Variants in ARHGEF3 observed in about 807,000 individuals in gnomAD.
ARHGEF3 encodes Rho guanine nucleotide exchange factor 3.
Under a neutral mutation model 63.2 loss-of-function variants are expected in ARHGEF3, and 28 were observed. The ratio of observed to expected loss-of-function variants is 0.44; its 90% CI spans 0.33 to 0.61. ARHGEF3 has a LOEUF of 0.61. Ranked by LOEUF, ARHGEF3 falls within the 20% of genes least tolerant of loss-of-function variation. The probability of loss-of-function intolerance (pLI) is 0.03; values close to 1 mark genes in which losing one functional copy is unlikely to be tolerated. For missense variants in ARHGEF3, 533 were observed against 659.3 expected (o/e 0.81, Z 2.10); for synonymous variants, 266 against 254.2 (o/e 1.05, Z -0.44).
intron 1 of ARHGEF3, chr3:57,074,001 G>T: frequency 6.2e-7 from 1 of 1,614,192 alleles, no homozygotes. Flanking sequence ...AAATCTTCTG[G>T]GAAGACCCTC....
At chr3:56,965,358 A>G (rs1163969789) in intron 2 of ARHGEF3, among the ~76,000 whole-genome samples, 2 of 152,204 alleles carry the variant, frequency 1.3e-5, no homozygotes, top group African/African-American at 4.8e-5. Context: ...AATATAACTT[A>G]TTAAAACTGT....
chr3:56,946,294 T>C lies in ARHGEF3; in HGVS notation c.129+12529A>G, dbSNP rs558477164. ...CTGGATGGAGAATGACTTTGACGAG[T>C]TGAGAGAAGAAGGCTTCAGAAGATC... On this transcript the variant is annotated intron_variant, in intron 3 of 12. Coordinates refer to the ARHGEF3 transcript ENST00000338458. Among the ~76,000 whole-genome samples, 7 of 151,944 alleles carry C rather than the reference T, an allele frequency of 4.6e-5. No homozygotes were observed. In the East Asian group the frequency reaches 7.7e-4, roughly 17 times the overall value.
At chr3:56,897,113 C>T (rs4681930) in intron 3 of ARHGEF3, among the ~76,000 whole-genome samples, 30,860 of 152,100 alleles carry the variant, frequency 0.2, 3,598 homozygotes, top group African/African-American at 0.31. Context: ...TTCCATTCTC[C>T]ACCATTTATT....
chr3:56,867,540 A>T (rs886102372), intron 4 of ARHGEF3, among the ~76,000 whole-genome samples: 12 of 152,034 alleles, frequency 7.9e-5, no homozygotes, highest in Admixed American at 7.2e-4. Context: ...TGGAGAAATC[A>T]TGGCTCACTG....
intron 3 of ARHGEF3, among the ~76,000 whole-genome samples, chr3:56,917,141 T>C (rs2042010848): frequency 2.0e-5 from 3 of 152,078 alleles, no homozygotes; most frequent in Admixed American, 2.0e-4. Flanking sequence ...ACCTCTTGGG[T>C]GAGGTAGACT....
At chr3:57,055,373 G>A (rs1408902146) in intron 1 of ARHGEF3, among the ~76,000 whole-genome samples, 3 of 152,016 alleles carry the variant, frequency 2.0e-5, no homozygotes, top group East Asian at 3.9e-4. Flanking sequence ...TGTTGACCAG[G>A]CTGGTCTCAA....
chr3:57,003,336 G>C (rs1035580408), intron 2 of ARHGEF3, among the ~76,000 whole-genome samples: 1 of 143,296 alleles, frequency 7.0e-6, no homozygotes, highest in African/African-American at 2.6e-5. Flanking sequence ...CCGGGAGGTG[G>C]AGGTTTCAGG....
At chr3:56,895,265 G>A (rs1291279851) in intron 3 of ARHGEF3, among the ~76,000 whole-genome samples, 1 of 152,114 alleles carries the variant, frequency 6.6e-6, no homozygotes, top group Non-Finnish European at 1.5e-5. Flanking sequence ...ATCGCCAAGA[G>A]CATTATTCCC....
chr3:57,042,665 TATATATATATATATATATA>T lies in ARHGEF3; in HGVS notation c.-27-7508_-27-7490del, dbSNP rs1560155841. 4.2e-3 allele frequency among the ~76,000 whole-genome samples: 28 copies of T among 6,684 alleles called. 1 individual carries two copies. The East Asian group carries it at 0.092, about 22-fold the overall frequency. 4.4% of individuals were successfully genotyped at this position (6,684 alleles called of 152,430 possible). A position where few individuals can be genotyped will look rare whatever the true frequency, so the allele number is the denominator to read the frequency against. ...GTATGTACATAAATATATATATATA[TATATATATATATATATATA>T]TATATATATATATATATTTTTTTTT... On this transcript the variant is annotated intron_variant, in intron 1 of 12. Transcript: ENST00000338458.
intron 1 of ARHGEF3, among the ~76,000 whole-genome samples, chr3:57,054,745 T>C (rs1704838296): frequency 6.6e-6 from 1 of 150,690 alleles, no homozygotes; most frequent in Admixed American, 6.6e-5. Flanking sequence ...TCTGACTCCC[T>C]GGTTCAAGGA....
At chr3:57,033,398 C>T (rs1010140354) in intron 2 of ARHGEF3, among the ~76,000 whole-genome samples, 2 of 144,018 alleles carry the variant, frequency 1.4e-5, no homozygotes, top group African/African-American at 2.6e-5. Flanking sequence ...TGTGGATATA[C>T]TATTCACTTG....
At chr3:56,866,371 G>A (rs1170997649) in intron 4 of ARHGEF3, among the ~76,000 whole-genome samples, 1 of 152,120 alleles carries the variant, frequency 6.6e-6, no homozygotes, top group Non-Finnish European at 1.5e-5. Context: ...CAGGGTAAAA[G>A]GGAGACTAAA....
intron 3 of ARHGEF3, among the ~76,000 whole-genome samples, chr3:56,898,267 C>T (rs760544475): frequency 6.6e-5 from 10 of 152,078 alleles, no homozygotes; most frequent in Non-Finnish European, 8.8e-5. Flanking sequence ...TGGAGTGCAG[C>T]GGCATAATCT....
chr3:56,882,438 G>C, intron 3 of ARHGEF3: 1 of 1,034,574 alleles, frequency 9.7e-7, no homozygotes, highest in Non-Finnish European at 1.4e-6. Context: ...CAATCAAATA[G>C]CACATGCAAT....
At chr3:56,892,962 G>A (rs945845816) in intron 3 of ARHGEF3, among the ~76,000 whole-genome samples, 11 of 152,286 alleles carry the variant, frequency 7.2e-5, no homozygotes, top group South Asian at 2.1e-4. Context: ...GCAATTTGCC[G>A]CACAAAGCAG....
At chr3:56,891,395 A>T (rs1483711316) in intron 3 of ARHGEF3, among the ~76,000 whole-genome samples, 1 of 145,966 alleles carries the variant, frequency 6.9e-6, no homozygotes, top group Non-Finnish European at 1.5e-5. Flanking sequence ...TTTTTCTAGG[A>T]TCCAGGAACC....
At chr3:56,776,067 C>T (rs1479591182) in intron 1 of ARHGEF3, among the ~76,000 whole-genome samples, 1 of 152,152 alleles carries the variant, frequency 6.6e-6, no homozygotes, top group Non-Finnish European at 1.5e-5. Flanking sequence ...AGGCAAACGC[C>T]AACTGGGTTC....
intron 1 of ARHGEF3, among the ~76,000 whole-genome samples, chr3:57,054,941 A>G (rs940621953): frequency 2.0e-5 from 3 of 151,832 alleles, no homozygotes; most frequent in Admixed American, 2.0e-4. Flanking sequence ...GAGCCATCGC[A>G]CCCAGCAAAA....
chr3:56,964,093 T>G (rs1218696436), intron 2 of ARHGEF3, among the ~76,000 whole-genome samples: 2 of 152,194 alleles, frequency 1.3e-5, no homozygotes, highest in Non-Finnish European at 2.9e-5. Flanking sequence ...GGCTCACGCC[T>G]GTAATCCCAG....
Sources: gnomAD v4.1 joint callset for allele counts (sites outside exome capture counted in the v4.1 genomes callset) on GRCh38, gnomAD v4.1.1 for gene constraint, MANE v1.5 for transcripts, NCBI Gene and HGNC (gene_info 2026-07-23, HGNC 2026-07-21) for gene names.